LRP1B: variants seen among roughly 807,000 people sequenced by gnomAD.
LRP1B encodes the protein LDL receptor related protein 1B, also known as low-density lipoprotein receptor-related protein 1B.
LRP1B carries 217 observed loss-of-function variants against 556.6 expected under a neutral mutation model. The ratio of observed to expected loss-of-function variants is 0.39; its 90% CI spans 0.35 to 0.44. The LOEUF is 0.44. Among genes scored for constraint, LRP1B ranks in the 20% least tolerant of loss-of-function variants. The pLI is 1.00. For missense variants in LRP1B, 5,053 were observed against 5,620.8 expected, an observed-to-expected ratio of 0.90 and a Z score of 3.23; for synonymous variants, 2,047 against 1,865.8, an observed-to-expected ratio of 1.10 and a Z score of -2.50.
chr2:140,356,212 T>G lies in LRP1B; in HGVS notation c.11530+130A>C, dbSNP rs188275591. On this transcript the variant is annotated intron_variant, in intron 75 of 90. Transcript: ENST00000389484. ...CCCCAGAGACTTTCATTCTCATAAG[T>G]GAAATGGTATCCCGTAGATACACAC... is the stretch of plus-strand genomic sequence containing the variant. 12 of 916,570 alleles carry G rather than the reference T, an allele frequency of 1.3e-5. 1 individual carries two copies. In the East Asian group the frequency reaches 3.1e-4, roughly 24 times the overall value. The allele number at this position is 916,570 out of a possible 1,614,324, so 56.8% of individuals were successfully genotyped here. A position where few individuals can be genotyped will look rare whatever the true frequency, so the allele number is the denominator to read the frequency against.
At chr2:141,886,517 G>A (rs1420521276) in intron 1 of LRP1B, among the ~76,000 whole-genome samples, 1 of 152,028 alleles carries the variant, frequency 6.6e-6, no homozygotes, top group Non-Finnish European at 1.5e-5. Context: ...TTATTCCATG[G>A]ACCTTGAAGG....
At position 141,268,705 on chromosome 2, in the gene LRP1B, C is replaced by T. The variant is rs1018989646; in HGVS notation, c.344-14064G>A. 3.3e-5 allele frequency among the ~76,000 whole-genome samples: 5 copies of T among 151,982 alleles called. No homozygotes were observed. The East Asian group carries it at 9.6e-4, about 29-fold the overall frequency. ...TGGTTGAAATGGGAAGTTACACCTC[C>T]TAGATTTTCTCTTTTAACATTTGCA... is the stretch of plus-strand genomic sequence containing the variant. On this transcript the variant is annotated intron_variant, in intron 3 of 90. Transcript: ENST00000389484.
intron 27 of LRP1B, among the ~76,000 whole-genome samples, chr2:140,853,090 G>A (rs1692510083): frequency 6.6e-6 from 1 of 151,964 alleles, no homozygotes; most frequent in Non-Finnish European, 1.5e-5. Context: ...GAAAATGACA[G>A]AAGCAGGAAG....
intron 4 of LRP1B, among the ~76,000 whole-genome samples, chr2:141,250,290 G>A (rs1684213744): frequency 6.6e-6 from 1 of 152,146 alleles, no homozygotes; most frequent in African/African-American, 2.4e-5. Flanking sequence ...CAGACTGGGG[G>A]CTGGTCATGA....
chr2:141,096,073 G>C (rs1385836407), intron 7 of LRP1B, among the ~76,000 whole-genome samples: 1 of 151,728 alleles, frequency 6.6e-6, no homozygotes, highest in Non-Finnish European at 1.5e-5. Context: ...CATTTTCTGT[G>C]CTATTTGAAG....
At chr2:140,762,406 A>G (rs1688957723) in intron 35 of LRP1B, among the ~76,000 whole-genome samples, 1 of 152,176 alleles carries the variant, frequency 6.6e-6, no homozygotes, top group Non-Finnish European at 1.5e-5. Context: ...ATTAAATGAC[A>G]TAAATACACA....
intron 7 of LRP1B, among the ~76,000 whole-genome samples, chr2:141,169,287 A>AAAAT (rs201628193): frequency 0.029 from 3,952 of 137,798 alleles, 65 homozygotes; most frequent in Non-Finnish European, 0.032. Flanking sequence ...CTCTGTCTCA[A>AAAAT]AAATAAATAA....
At chr2:141,185,687 C>A (rs72853383) in intron 7 of LRP1B, among the ~76,000 whole-genome samples, 54,203 of 131,102 alleles carry the variant, frequency 0.41, 12,144 homozygotes, top group East Asian at 0.61. Flanking sequence ...AACAAACAAA[C>A]AAAAAAAAAC....
chr2:140,913,562 C>CA (rs1559191003), intron 21 of LRP1B, among the ~76,000 whole-genome samples: 1 of 151,892 alleles, frequency 6.6e-6, no homozygotes, highest in South Asian at 2.1e-4. Context: ...CATGTAAAAT[C>CA]AAAAAGCAAG....
intron 3 of LRP1B, among the ~76,000 whole-genome samples, chr2:141,341,097 A>G (rs1013929455): frequency 1.4e-4 from 22 of 152,202 alleles, no homozygotes; most frequent in Non-Finnish European, 4.4e-5. Flanking sequence ...AGTTACTTAT[A>G]TTAATCCATA....
Position 140,388,145 on chromosome 2 carries a change from C to A in LRP1B, c.10415-2136G>T, listed in dbSNP as rs1225161899. On this transcript the variant is annotated intron_variant, in intron 66 of 90. Transcript: ENST00000389484. ...AGAGACAGGGTTTCGCCATGTAGGC[C>A]AGGCTGGTCGTGAACTCCTGACCTC... is the stretch of plus-strand genomic sequence containing the variant. Among the ~76,000 whole-genome samples the A allele has an allele frequency of 2.0e-5, 3 of 152,122 alleles. No individual in the cohort carries two copies. In the South Asian group the frequency reaches 6.2e-4, roughly 31 times the overall value.
intron 47 of LRP1B, among the ~76,000 whole-genome samples, chr2:140,532,947 T>TATATATATATATACACACAC: frequency 1.0e-4 from 13 of 124,308 alleles, no homozygotes; most frequent in African/African-American, 3.8e-4. Flanking sequence ...TATATATATA[T>TATATATATATATACACACAC]ACACATATAT....
At chr2:141,936,229 G>A (rs962955898) in intron 1 of LRP1B, among the ~76,000 whole-genome samples, 1 of 151,740 alleles carries the variant, frequency 6.6e-6, no homozygotes, top group Non-Finnish European at 1.5e-5. Context: ...GCACCATAAA[G>A]CAAAACCAAA....
chr2:140,773,069 TA>T (rs1190045475), intron 33 of LRP1B, among the ~76,000 whole-genome samples: 1 of 151,950 alleles, frequency 6.6e-6, no homozygotes, highest in African/African-American at 2.4e-5. Context: ...ACAGCTCAAG[TA>T]ACAGAGTGAG....
intron 1 of LRP1B, among the ~76,000 whole-genome samples, chr2:142,080,599 A>G (rs1705675957): frequency 1.4e-5 from 2 of 144,998 alleles, no homozygotes; most frequent in African/African-American, 2.5e-5. Flanking sequence ...GCCCAATGTA[A>G]TAAAAGCAAT....
At chr2:140,691,179 A>G (rs1233162643) in intron 41 of LRP1B, among the ~76,000 whole-genome samples, 1 of 152,140 alleles carries the variant, frequency 6.6e-6, no homozygotes, top group African/African-American at 2.4e-5. Context: ...ATAACTTAAA[A>G]GTGAAATATT....
Position 141,107,040 on chromosome 2 carries a change from T to C in LRP1B, c.1014-44767A>G, listed in dbSNP as rs182136198. ...TCCTCTACTGAACCAATATATATAT[T>C]CAGTGATTCTACTTTTTCTTTTAAA... On this transcript the variant is annotated intron_variant, in intron 7 of 90. Coordinates refer to ENST00000389484, the MANE Select transcript of LRP1B (RefSeq NM_018557.3). Among the ~76,000 whole-genome samples, 1,029 of 152,290 alleles carry C rather than the reference T, an allele frequency of 6.8e-3. 7 individuals are homozygous for C. The highest frequency in any genetic ancestry group is 0.01 in the Non-Finnish European group (713 of 68,020).
At chr2:141,740,676 G>T (rs931619711) in intron 2 of LRP1B, among the ~76,000 whole-genome samples, 5 of 152,058 alleles carry the variant, frequency 3.3e-5, no homozygotes, top group Non-Finnish European at 5.9e-5. Context: ...CAAATACGAG[G>T]TCTTATTCAT....
intron 43 of LRP1B, among the ~76,000 whole-genome samples, chr2:140,582,263 T>C (rs1032403600): frequency 6.6e-6 from 1 of 152,202 alleles, no homozygotes; most frequent in African/African-American, 2.4e-5. Context: ...CCATGCCTCA[T>C]ACAGGAATTC....
Sources: gnomAD v4.1 joint callset for allele counts (sites outside exome capture counted in the v4.1 genomes callset) on GRCh38, gnomAD v4.1.1 for gene constraint, MANE v1.5 for transcripts, NCBI Gene and HGNC (gene_info 2026-07-23, HGNC 2026-07-21) for gene names.